Variants in ARHGAP42 observed in about 807,000 individuals in gnomAD.
The protein encoded by ARHGAP42 is rho GTPase-activating protein 42.
A neutral mutation model predicts 125.0 loss-of-function variants in ARHGAP42; 63 were observed. That is an observed-to-expected ratio of 0.50 (90% CI 0.41 to 0.62). ARHGAP42 has a LOEUF of 0.62. Ranked by LOEUF, ARHGAP42 falls within the 20% of genes least tolerant of loss-of-function variation. ARHGAP42 has a pLI of 0.00. For missense variants in ARHGAP42, 766 were observed against 1,024.2 expected (o/e 0.75, Z 3.44); for synonymous variants, 339 against 351.0 (o/e 0.97, Z 0.38).
At chr11:100,903,117 G>GCGCACACACACA (rs373508179) in intron 4 of ARHGAP42, among the ~76,000 whole-genome samples, 1,849 of 132,008 alleles carry the variant, frequency 0.014, 41 homozygotes, top group South Asian at 0.044. Flanking sequence ...TCCAAGATGC[G>GCGCACACACACA]CACACACACA....
intron 3 of ARHGAP42, among the ~76,000 whole-genome samples, chr11:100,843,690 A>G (rs1398461231): frequency 3.9e-5 from 6 of 152,120 alleles, no homozygotes; most frequent in Non-Finnish European, 7.4e-5. Flanking sequence ...TCAAGAACTC[A>G]ATCCCTTTTA....
rs535734044 is a variant in ARHGAP42, at chr11:100,705,032, AAG to A, written c.154+17206_154+17207del. Among the ~76,000 whole-genome samples the A allele has an allele frequency of 7.7e-4, 108 of 141,114 alleles. 1 individual carries two copies. The East Asian group carries it at 0.019, about 24-fold the overall frequency. 92.6% of individuals were successfully genotyped at this position (141,114 alleles called of 152,430 possible). The stretch of plus-strand genomic sequence containing the variant: ...CAACAACAAAAAAAAAAAAAAAAAA[AAG>A]AGAGAAGAAAAGAAAAAGAAAGACA... On this transcript the variant is annotated intron_variant, in intron 1 of 23. Coordinates refer to ENST00000298815, the MANE Select transcript of ARHGAP42 (RefSeq NM_152432.4).
intron 1 of ARHGAP42, among the ~76,000 whole-genome samples, chr11:100,767,124 C>G (rs1368830161): frequency 1.3e-5 from 2 of 152,204 alleles, no homozygotes; most frequent in Non-Finnish European, 2.9e-5. Context: ...GAGTTGCCAT[C>G]TTCATAACTG....
rs567020123 is a variant in ARHGAP42, at chr11:100,951,339, T to C, written c.1162+1383T>C. Among the ~76,000 whole-genome samples, 13 of 152,296 alleles carry C rather than the reference T, an allele frequency of 8.5e-5. No homozygotes were observed. In the South Asian group the frequency reaches 1.0e-3, roughly 12 times the overall value. On this transcript the variant is annotated intron_variant, in intron 12 of 23. Transcript: ENST00000298815. ...GTATAAAATCCTTTATTGCCAACTT[T>C]TATCTAATCACAGATACATTAACCA...
At chr11:100,965,885 T>C (rs1858078166) in intron 17 of ARHGAP42, 109 bp downstream of exon 17, 1 of 996,158 alleles carries the variant, frequency 1.0e-6, no homozygotes, top group Non-Finnish European at 1.5e-6. Context: ...ATAATTAGAG[T>C]CCATTGAATT....
At chr11:100,731,252 G>T (rs1198253039) in intron 1 of ARHGAP42, among the ~76,000 whole-genome samples, 3 of 151,722 alleles carry the variant, frequency 2.0e-5, no homozygotes, top group African/African-American at 7.3e-5. Flanking sequence ...TCTGCCTCCC[G>T]GGTTCAAGGG....
chr11:100,974,359 T>A, intron 18 of ARHGAP42, 100 bp from the exon 19 acceptor site: 1 of 1,087,358 alleles, frequency 9.2e-7, no homozygotes, highest in Non-Finnish European at 1.3e-6. Flanking sequence ...ATACTTATAT[T>A]TTGCAGCTGA....
Position 100,850,873 on chromosome 11 carries a change from C to CT in ARHGAP42, c.313-8655dup, listed in dbSNP as rs201814102. Among the ~76,000 whole-genome samples the CT allele has an allele frequency of 2.2e-3, 204 of 94,512 alleles. 4 individuals carry two copies. Among genetic ancestry groups the CT allele is most frequent in the Middle Eastern group, 6.8e-3 (1 of 148 alleles). The allele number at this position is 94,512 out of a possible 152,430, so 62.0% of individuals were successfully genotyped here. A position where few individuals can be genotyped will look rare whatever the true frequency, so the allele number is the denominator to read the frequency against. On this transcript the variant is annotated intron_variant, in intron 3 of 23. Coordinates refer to ENST00000298815, the MANE Select transcript of ARHGAP42 (RefSeq NM_152432.4). ...AGTCTATCTGGGAGATAGTAGCTTT[C>CT]TTTTTTTTTTTTTTTTTTTTTTTTT...
chr11:100,941,215 CTGGAGCTGAGTGCACAAGGCAG>C (rs1867875758), intron 8 of ARHGAP42, among the ~76,000 whole-genome samples: 1 of 152,092 alleles, frequency 6.6e-6, no homozygotes, highest in Non-Finnish European at 1.5e-5. Context: ...GGCAGTGTAG[CTGGAGCTGAGTGCACAAGGCAG>C]AAAGCAGTGG....
chr11:100,732,965 G>C (rs1861986857), intron 1 of ARHGAP42, among the ~76,000 whole-genome samples: 1 of 152,148 alleles, frequency 6.6e-6, no homozygotes, highest in African/African-American at 2.4e-5. Context: ...CCAAAATATT[G>C]AGTCAGATTA....
intron 4 of ARHGAP42, among the ~76,000 whole-genome samples, chr11:100,860,263 A>G (rs979742474): frequency 2.6e-5 from 4 of 152,038 alleles, no homozygotes; most frequent in Non-Finnish European, 4.4e-5. Context: ...CTTTTAGTCA[A>G]TGTCGTATCC....
At chr11:100,987,073 A>T (rs1858697025) in intron 22 of ARHGAP42, among the ~76,000 whole-genome samples, 1 of 152,102 alleles carries the variant, frequency 6.6e-6, no homozygotes, top group Non-Finnish European at 1.5e-5. Flanking sequence ...CTTACTTAGC[A>T]TATTCTTTAA....
intron 4 of ARHGAP42, among the ~76,000 whole-genome samples, chr11:100,898,611 T>TTTCTAGTTTA (rs1202866580): frequency 6.6e-6 from 1 of 152,212 alleles, no homozygotes; most frequent in Non-Finnish European, 1.5e-5. Flanking sequence ...TCTTTTTGAT[T>TTTCTAGTTTA]TTCTAGTTTA....
chr11:100,992,609 G>A lies in ARHGAP42; in HGVS notation c.*3808G>A. 2.5e-6 allele frequency: 4 copies of A among 1,614,034 alleles called. No individual in the cohort carries two copies. Among genetic ancestry groups the A allele is most frequent in the Non-Finnish European group, 3.4e-6 (4 of 1,179,946 alleles). ...TCTCAATTTCCTGAACACATTCACT[G>A]TATCCCTCATTGTCACCGTTATCCC... On this transcript the variant is annotated 3_prime_UTR_variant, in exon 24 of 24. Coordinates refer to ENST00000298815, the MANE Select transcript of ARHGAP42 (RefSeq NM_152432.4).
intron 1 of ARHGAP42, among the ~76,000 whole-genome samples, chr11:100,742,658 A>G (rs2120351087): frequency 6.6e-6 from 1 of 152,276 alleles, no homozygotes; most frequent in African/African-American, 2.4e-5. Context: ...CCAGGAAGTC[A>G]TCATCTAGTA....
At position 100,762,277 on chromosome 11, in the gene ARHGAP42, C is replaced by G. The variant is rs373249890; in HGVS notation, c.155-8066C>G. ...AAAGTGCCCAAACAACCATGTTGTT[C>G]TAGCTTGGAATACAGCACATTACTG... On this transcript the variant is annotated intron_variant, in intron 1 of 23. Transcript: ENST00000298815. Among the ~76,000 whole-genome samples the G allele has an allele frequency of 3.2e-4, 48 of 152,288 alleles. No individual in the cohort carries two copies. The South Asian group carries it at 9.1e-3, about 29-fold the overall frequency.
intron 1 of ARHGAP42, among the ~76,000 whole-genome samples, chr11:100,690,600 A>T (rs960018653): frequency 6.6e-6 from 1 of 152,022 alleles, no homozygotes; most frequent in African/African-American, 2.4e-5. Flanking sequence ...TATTTTATTT[A>T]TTTATTTTTC....
chr11:100,753,955 C>T (rs1042235616), intron 1 of ARHGAP42, among the ~76,000 whole-genome samples: 1 of 152,176 alleles, frequency 6.6e-6, no homozygotes, highest in African/African-American at 2.4e-5. Flanking sequence ...TCCTGCATTG[C>T]TCCATGGAAA....
chr11:100,822,014 C>T (rs1864415565), intron 3 of ARHGAP42, among the ~76,000 whole-genome samples: 1 of 151,962 alleles, frequency 6.6e-6, no homozygotes, highest in Admixed American at 6.6e-5. Context: ...TCCTGTGGTC[C>T]AGATAAATGT....
Sources: gnomAD v4.1 joint callset for allele counts (sites outside exome capture counted in the v4.1 genomes callset) on GRCh38, gnomAD v4.1.1 for gene constraint, MANE v1.5 for transcripts, NCBI Gene and HGNC (gene_info 2026-07-23, HGNC 2026-07-21) for gene names.